SLC44A5: variants seen among roughly 807,000 people sequenced by gnomAD.
The protein encoded by SLC44A5 is choline transporter-like protein 5.
Under a neutral mutation model 101.8 loss-of-function variants are expected in SLC44A5, and 57 were observed. The observed-to-expected ratio is 0.56, with a 90% CI of 0.45 to 0.70. The LOEUF (loss-of-function observed/expected upper bound fraction) is 0.70. SLC44A5 is among the 30% of genes least tolerant of loss of function. The pLI, the probability that SLC44A5 is intolerant of heterozygous loss-of-function variation, is 0.00. For missense variants in SLC44A5, 737 were observed against 853.1 expected (o/e 0.86, Z 1.70); for synonymous variants, 281 against 290.9 (o/e 0.97, Z 0.35).
At chr1:75,606,455 G>A (rs561575057) in intron 1 of SLC44A5, among the ~76,000 whole-genome samples, 2 of 152,088 alleles carry the variant, frequency 1.3e-5, no homozygotes, top group South Asian at 4.1e-4. Context: ...TCAATACACA[G>A]ATAGTAACAA....
the SLC44A5 span, among the ~76,000 whole-genome samples, chr1:75,631,539 A>ATT: frequency 0.08 from 6,496 of 80,760 alleles, 610 homozygotes; most frequent in African/African-American, 0.2. Context: ...CACCTGGCTA[A>ATT]TTTTTTTTTT....
chr1:75,539,639 TA>T (rs1671244649), intron 2 of SLC44A5, among the ~76,000 whole-genome samples: 1 of 151,740 alleles, frequency 6.6e-6, no homozygotes, highest in Non-Finnish European at 1.5e-5. Flanking sequence ...CCTTACGCAG[TA>T]ATGGCTCAAG....
chr1:75,484,836 C>T (rs886093645), intron 2 of SLC44A5, among the ~76,000 whole-genome samples: 1 of 152,248 alleles, frequency 6.6e-6, no homozygotes, highest in African/African-American at 2.4e-5. Context: ...CACGTGAAAG[C>T]TGCACAGGTT....
At position 75,281,652 on chromosome 1, in the gene SLC44A5, G is replaced by A. The variant is rs1160428926; in HGVS notation, c.176-6610C>T. 3.7e-4 allele frequency among the ~76,000 whole-genome samples: 8 copies of A among 21,874 alleles called. 1 individual carries two copies. Among genetic ancestry groups the A allele is most frequent in the Non-Finnish European group, 7.4e-4 (7 of 9,518 alleles). The allele number at this position is 21,874 out of a possible 152,430, so 14.4% of individuals were successfully genotyped here. A position where few individuals can be genotyped will look rare whatever the true frequency, so the allele number is the denominator to read the frequency against. On this transcript the variant is annotated intron_variant, in intron 5 of 23. Coordinates refer to ENST00000370859, the MANE Select transcript of SLC44A5 (RefSeq NM_001130058.2). The stretch of plus-strand genomic sequence containing the variant: ...TGGTGCCAGGCCCCCCCCCCCCCCC[G>A]CTGCATTTAGCCTAGGGACTTGGTG...
intron 12 of SLC44A5, among the ~76,000 whole-genome samples, chr1:75,231,790 C>T (rs1359264460): frequency 6.6e-6 from 1 of 152,036 alleles, no homozygotes; most frequent in East Asian, 1.9e-4. Context: ...CTTTTTCATA[C>T]CTTAAATAGA....
chr1:75,457,487 A>C (rs1666252730), intron 2 of SLC44A5, among the ~76,000 whole-genome samples: 1 of 152,340 alleles, frequency 6.6e-6, no homozygotes, highest in South Asian at 2.1e-4. Flanking sequence ...CAGGGGAAAA[A>C]GTATTCCAGG....
At chr1:75,518,760 T>C (rs1669966100) in intron 2 of SLC44A5, among the ~76,000 whole-genome samples, 1 of 152,134 alleles carries the variant, frequency 6.6e-6, no homozygotes, top group Admixed American at 6.6e-5. Flanking sequence ...AAAGAGCACA[T>C]ATTGTATGAT....
At chr1:75,449,085 A>G (rs1280493554) in intron 2 of SLC44A5, among the ~76,000 whole-genome samples, 1 of 152,158 alleles carries the variant, frequency 6.6e-6, no homozygotes, top group Non-Finnish European at 1.5e-5. Flanking sequence ...CTCCACTCCC[A>G]ACTGCTTTCT....
intron 3 of SLC44A5, among the ~76,000 whole-genome samples, chr1:75,358,063 C>T (rs1324354314): frequency 1.3e-5 from 2 of 151,878 alleles, no homozygotes; most frequent in Non-Finnish European, 2.9e-5. Flanking sequence ...CATACTATTG[C>T]TTAGGAAAGA....
At chr1:75,627,968 C>T in the SLC44A5 span, among the ~76,000 whole-genome samples, 1 of 149,502 alleles carries the variant, frequency 6.7e-6, no homozygotes, top group Non-Finnish European at 1.5e-5. Flanking sequence ...AAACTGAGGC[C>T]CAGCAAGTTG....
At position 75,227,762 on chromosome 1, in the gene SLC44A5, T is replaced by C. The variant is rs943204697; in HGVS notation, c.949A>G (p.Met317Val). 5 of 1,579,584 alleles carry C rather than the reference T, an allele frequency of 3.2e-6. No homozygotes were observed. The African/African-American group carries it at 6.9e-5, about 22-fold the overall frequency. Reference protein sequence around the residue: ...YDIGIQTNISMYFELQQTWFT... With the variant: ...YDIGIQTNISVYFELQQTWFT... ...CATGTTTGTTGCAGTTCAAAGTACA[T>C]GCTTATGTTAGTCTGAATCCCGATG... is the stretch of plus-strand genomic sequence containing the variant. The change falls in exon 13 of 24, where the codon ATG becomes GTG. Residue 317 changes from methionine to valine, a missense_variant. Coordinates refer to ENST00000370859, the MANE Select transcript of SLC44A5 (RefSeq NM_001130058.2).
At chr1:75,542,366 T>C (rs999747575) in intron 1 of SLC44A5, among the ~76,000 whole-genome samples, 29 of 152,138 alleles carry the variant, frequency 1.9e-4, no homozygotes, top group Non-Finnish European at 5.9e-5. Flanking sequence ...TTTAATATGA[T>C]AGCATAAGCA....
Position 75,275,052 on chromosome 1 carries a change from C to T in SLC44A5, c.176-10G>A. 3 of 1,609,744 alleles carry T rather than the reference C, an allele frequency of 1.9e-6. No individual in the cohort carries two copies. Among genetic ancestry groups the T allele is most frequent in the Non-Finnish European group, 2.5e-6 (3 of 1,177,412 alleles). ...TCCCCATGTACCCAGGCTGCAGGAACAAGAAAGGACAAATATGCTATCAGC... is the reference window on the plus strand; with the variant it reads ...TCCCCATGTACCCAGGCTGCAGGAATAAGAAAGGACAAATATGCTATCAGC... On this transcript the variant is annotated splice_polypyrimidine_tract_variant and intron_variant, in intron 5 of 23. Transcript: ENST00000370859.
the SLC44A5 span, among the ~76,000 whole-genome samples, chr1:75,693,205 G>C: frequency 6.6e-6 from 1 of 152,208 alleles, no homozygotes; most frequent in African/African-American, 2.4e-5. Flanking sequence ...GAATTCTAGA[G>C]TTCTGGCTGT....
At chr1:75,345,119 T>C (rs939599783) in intron 3 of SLC44A5, among the ~76,000 whole-genome samples, 3 of 152,124 alleles carry the variant, frequency 2.0e-5, no homozygotes, top group African/African-American at 7.2e-5. Context: ...CAAATCACTT[T>C]AGATAAATTT....
chr1:75,711,239 T>C, the SLC44A5 span, among the ~76,000 whole-genome samples: 2 of 152,130 alleles, frequency 1.3e-5, no homozygotes, highest in African/African-American at 2.4e-5. Context: ...AGGTCACTGA[T>C]AGTTCAGAAC....
At chr1:75,566,733 A>G (rs1672803942) in intron 1 of SLC44A5, among the ~76,000 whole-genome samples, 1 of 152,250 alleles carries the variant, frequency 6.6e-6, no homozygotes, top group African/African-American at 2.4e-5. Flanking sequence ...CCAATGAAAG[A>G]TTTCAGCACA....
chr1:75,600,717 T>C (rs1570715580), intron 1 of SLC44A5, among the ~76,000 whole-genome samples: 1 of 152,296 alleles, frequency 6.6e-6, no homozygotes, highest in East Asian at 1.9e-4. Context: ...ATATTTACCA[T>C]TGTGTTATGA....
chr1:75,308,629 T>C (rs1408299303), intron 4 of SLC44A5, among the ~76,000 whole-genome samples: 1 of 152,150 alleles, frequency 6.6e-6, no homozygotes, highest in East Asian at 1.9e-4. Flanking sequence ...CCAAAGGCAC[T>C]ACACAGCAGG....
Sources: allele counts gnomAD v4.1 joint callset (sites outside exome capture counted in the v4.1 genomes callset), GRCh38; gene constraint gnomAD v4.1.1; transcripts MANE v1.5; gene names NCBI Gene and HGNC (gene_info 2026-07-23, HGNC 2026-07-21).